MTFR1: variants seen among roughly 807,000 people sequenced by gnomAD.
The protein encoded by MTFR1 is chondrocyte protein with a poly-proline region.
MTFR1 carries 28 observed loss-of-function variants against 38.8 expected under a neutral mutation model. The observed-to-expected ratio is 0.72, with a 90% CI of 0.53 to 0.99. The LOEUF (loss-of-function observed/expected upper bound fraction) is 0.99. MTFR1 is among the 50% of genes least tolerant of loss of function. The probability of loss-of-function intolerance (pLI) is 0.00; values close to 1 mark genes in which losing one functional copy is unlikely to be tolerated. For synonymous variants in MTFR1, 145 were observed against 137.0 expected (o/e 1.06, Z -0.41); for missense variants, 358 against 395.5 (o/e 0.91, Z 0.81).
intron 3 of MTFR1, among the ~76,000 whole-genome samples, chr8:65,766,351 A>G (rs1808784974): frequency 6.6e-6 from 1 of 152,266 alleles, no homozygotes; most frequent in African/African-American, 2.4e-5. Context: ...GGCTAATTGA[A>G]CAGAGGAAAA....
chr8:65,762,033 C>A (rs1296724264), intron 3 of MTFR1, among the ~76,000 whole-genome samples: 1 of 152,160 alleles, frequency 6.6e-6, no homozygotes, highest in Non-Finnish European at 1.5e-5. Flanking sequence ...GAGAGGGAGC[C>A]CTGCAGCCAC....
At chr8:65,721,497 C>T (rs1186200621) in intron 3 of MTFR1, among the ~76,000 whole-genome samples, 3 of 152,178 alleles carry the variant, frequency 2.0e-5, no homozygotes, top group Non-Finnish European at 2.9e-5. Flanking sequence ...CTCAAAGCAC[C>T]GGTCCCCTAG....
chr8:65,757,231 A>G (rs552316032), intron 3 of MTFR1, among the ~76,000 whole-genome samples: 16 of 152,172 alleles, frequency 1.1e-4, no homozygotes. Context: ...AGAAGGTCAG[A>G]GAAATTGTTT....
At chr8:65,719,276 A>G (rs1563466920) in intron 2 of MTFR1, 2 of 1,594,406 alleles carry the variant, frequency 1.3e-6, no homozygotes, top group Non-Finnish European at 1.7e-6. Context: ...AGTTTGTCCC[A>G]CTGGTTCTGG....
intron 3 of MTFR1, among the ~76,000 whole-genome samples, chr8:65,686,992 A>C (rs910722334): frequency 2.0e-5 from 3 of 152,074 alleles, no homozygotes; most frequent in Non-Finnish European, 2.9e-5. Flanking sequence ...TTGATCTCTT[A>C]AAAGTCTTGT....
chr8:65,697,943 CTG>C (rs756735516), intron 4 of MTFR1, among the ~76,000 whole-genome samples: 13 of 152,082 alleles, frequency 8.5e-5, no homozygotes, highest in Non-Finnish European at 1.3e-4. Context: ...TTCTCCTACT[CTG>C]TGGCTTGTCT....
intron 3 of MTFR1, among the ~76,000 whole-genome samples, chr8:65,742,501 GCCTTGCTGTTCTTCCC>G (rs1328505278): frequency 6.6e-6 from 1 of 152,180 alleles, no homozygotes; most frequent in East Asian, 1.9e-4. Flanking sequence ...TTCCTCCTCT[GCCTTGCTGTTCTTCCC>G]CCAATATCAA....
chr8:65,647,669 A>G (rs986106035), intron 1 of MTFR1, among the ~76,000 whole-genome samples: 3 of 152,128 alleles, frequency 2.0e-5, no homozygotes, highest in African/African-American at 4.8e-5. Flanking sequence ...TTCTTGGGCC[A>G]TCCTGGTGAT....
At chr8:65,660,839 A>G (rs1230158500) in intron 1 of MTFR1, among the ~76,000 whole-genome samples, 6 of 152,212 alleles carry the variant, frequency 3.9e-5, no homozygotes, top group African/African-American at 1.4e-4. Flanking sequence ...CCAGTAGGGG[A>G]AGGAATAAAT....
chr8:65,719,261 GAGGC>G, intron 2 of MTFR1: 1 of 1,507,638 alleles, frequency 6.6e-7, no homozygotes, highest in Non-Finnish European at 9.2e-7. Context: ...AAACCTCCAG[GAGGC>G]AGTTTGTCCC....
intron 1 of MTFR1, among the ~76,000 whole-genome samples, chr8:65,662,073 T>C (rs1233552267): frequency 2.2e-3 from 138 of 61,678 alleles, no homozygotes; most frequent in South Asian, 0.014. Context: ...CTCCCTCTCT[T>C]TCCACAGTCT....
At chr8:65,753,886 C>CT (rs1243607879) in intron 3 of MTFR1, among the ~76,000 whole-genome samples, 2 of 151,908 alleles carry the variant, frequency 1.3e-5, no homozygotes, top group South Asian at 2.1e-4. Flanking sequence ...ATCTCATAAC[C>CT]TTTTTTTTCA....
At chr8:65,726,860 C>T (rs1179966155) in intron 3 of MTFR1, 4 of 1,437,240 alleles carry the variant, frequency 2.8e-6, no homozygotes, top group Admixed American at 1.7e-5. Context: ...TTAAATTTGT[C>T]TTAATCCAAC....
intron 3 of MTFR1, among the ~76,000 whole-genome samples, chr8:65,761,514 T>C (rs890337450): frequency 2.6e-5 from 4 of 152,240 alleles, no homozygotes; most frequent in African/African-American, 4.8e-5. Context: ...TGTGCTAGTT[T>C]ACATGGTTAC....
intron 6 of MTFR1, 63 bp from the exon 7 acceptor site, chr8:65,707,780 G>T: frequency 6.4e-7 from 1 of 1,567,866 alleles, no homozygotes. Context: ...GGTTGACAAA[G>T]TACTTCCCTG....
downstream of MTFR1, among the ~76,000 whole-genome samples, chr8:65,772,404 C>G (rs191668769): frequency 1.3e-5 from 2 of 152,296 alleles, no homozygotes; most frequent in East Asian, 3.9e-4. Context: ...AAGGTTTAAA[C>G]ACATCCTGCA....
chr8:65,714,972 T>A (rs1192684418), downstream of MTFR1, among the ~76,000 whole-genome samples: 3 of 152,146 alleles, frequency 2.0e-5, no homozygotes, highest in Non-Finnish European at 2.9e-5. Flanking sequence ...CAGGAACCAA[T>A]TTTTCTTTTT....
At chr8:65,761,619 A>G (rs995549901) in intron 3 of MTFR1, among the ~76,000 whole-genome samples, 1 of 152,226 alleles carries the variant, frequency 6.6e-6, no homozygotes, top group African/African-American at 2.4e-5. Flanking sequence ...CTTTTCTAAA[A>G]TATCACATTA....
chr8:65,656,915 A>T (rs1809285131), intron 1 of MTFR1, among the ~76,000 whole-genome samples: 1 of 151,712 alleles, frequency 6.6e-6, no homozygotes, highest in African/African-American at 2.4e-5. Context: ...CACAGTGCTG[A>T]GATTATAGAT....
Sources: allele counts gnomAD v4.1 joint callset (sites outside exome capture counted in the v4.1 genomes callset), GRCh38; gene constraint gnomAD v4.1.1; transcripts MANE v1.5; gene names NCBI Gene and HGNC (gene_info 2026-07-23, HGNC 2026-07-21).